The following CELF4 variants were observed in gnomAD, a reference collection of about 807,000 sequenced individuals.
CELF4 encodes the protein CUGBP Elav-like family member 4.
In CELF4, 18 loss-of-function variants were observed where a neutral mutation model predicts 59.9. The ratio of observed to expected loss-of-function variants is 0.30; its 90% CI spans 0.21 to 0.45. The LOEUF (loss-of-function observed/expected upper bound fraction) is 0.45. Among genes scored for constraint, CELF4 ranks in the 20% least tolerant of loss-of-function variants. The pLI is 1.00. For synonymous variants in CELF4, 261 were observed against 267.1 expected (o/e 0.98, Z 0.22); for missense variants, 456 against 689.0 (o/e 0.66, Z 3.79).
chr18:37,248,357 CTG>C (rs1349143391), intron 12 of CELF4, among the ~76,000 whole-genome samples: 1 of 152,230 alleles, frequency 6.6e-6, no homozygotes, highest in African/African-American at 2.4e-5. Context: ...TGTAACCAAA[CTG>C]AGGCTGCATC....
At chr18:37,393,937 C>T (rs2099202780) in intron 2 of CELF4, among the ~76,000 whole-genome samples, 4 of 147,856 alleles carry the variant, frequency 2.7e-5, no homozygotes, top group African/African-American at 5.0e-5. Context: ...GGCAAAAACA[C>T]CCCACCTCCT....
chr18:37,471,711 G>A (rs1006492403), intron 2 of CELF4, among the ~76,000 whole-genome samples: 1 of 152,128 alleles, frequency 6.6e-6, no homozygotes, highest in Non-Finnish European at 1.5e-5. Flanking sequence ...TCCTCCGCAG[G>A]AGGGAAGCCC....
intron 1 of CELF4, among the ~76,000 whole-genome samples, chr18:37,510,671 T>A (rs186154057): frequency 6.6e-5 from 10 of 152,352 alleles, no homozygotes; most frequent in Admixed American, 6.5e-4. Flanking sequence ...GTGCCAGAGT[T>A]TCTCCCTGTA....
At chr18:37,391,770 C>T (rs2099164450) in intron 2 of CELF4, among the ~76,000 whole-genome samples, 1 of 152,218 alleles carries the variant, frequency 6.6e-6, no homozygotes, top group Non-Finnish European at 1.5e-5. Context: ...GGGCAGATGG[C>T]AGGACACTGA....
intron 4 of CELF4, 66 bp downstream of exon 4, chr18:37,275,049 G>C: frequency 6.4e-7 from 1 of 1,571,982 alleles, no homozygotes; most frequent in Non-Finnish European, 8.7e-7. Flanking sequence ...ACTCAGAGGA[G>C]CCCTCTGGTC....
At chr18:37,559,098 A>T (rs1256682338) in intron 1 of CELF4, among the ~76,000 whole-genome samples, 1 of 152,130 alleles carries the variant, frequency 6.6e-6, no homozygotes, top group Non-Finnish European at 1.5e-5. Context: ...ACACCTTCAC[A>T]CCAGGACTTG....
At chr18:37,382,665 A>G (rs1469073280) in intron 2 of CELF4, among the ~76,000 whole-genome samples, 1 of 152,228 alleles carries the variant, frequency 6.6e-6, no homozygotes, top group East Asian at 1.9e-4. Flanking sequence ...TTTCTCTAGA[A>G]CACAAATGAA....
chr18:37,287,780 T>C (rs1238478838), intron 3 of CELF4, among the ~76,000 whole-genome samples: 1 of 152,220 alleles, frequency 6.6e-6, no homozygotes, highest in East Asian at 1.9e-4. Flanking sequence ...TAGAGATGGA[T>C]GGATGGTAGA....
chr18:37,273,256 C>T (rs2092177344), intron 6 of CELF4, 93 bp from the exon 7 acceptor site: 1 of 1,501,046 alleles, frequency 6.7e-7, no homozygotes, highest in Admixed American at 2.2e-5. Flanking sequence ...ATCTCCCAGG[C>T]TCTGAGCCCC....
intron 2 of CELF4, among the ~76,000 whole-genome samples, chr18:37,338,027 C>T (rs1028240946): frequency 3.4e-5 from 5 of 147,662 alleles, no homozygotes; most frequent in Admixed American, 6.7e-5. Flanking sequence ...CCACCACTGT[C>T]GCTGCCACCA....
chr18:37,396,425 A>T (rs1015060594), intron 2 of CELF4, among the ~76,000 whole-genome samples: 1 of 152,188 alleles, frequency 6.6e-6, no homozygotes. Flanking sequence ...AACATGTCTC[A>T]AGATGGTAGA....
Position 37,439,258 on chromosome 18 carries a change from T to C in CELF4, c.369+46267A>G, listed in dbSNP as rs560652803. ...GGGCAGGCGGTGGGTTTGGGAGGCA[T>C]GGATACAATCTGGAAGTACTTGGAT... On this transcript the variant is annotated intron_variant, in intron 2 of 12. Transcript: ENST00000420428. Among the ~76,000 whole-genome samples the C allele has an allele frequency of 2.0e-5, 3 of 152,272 alleles. No individual in the cohort carries two copies. In the South Asian group the frequency reaches 6.2e-4, roughly 32 times the overall value.
chr18:37,300,244 A>G (rs979269197), intron 3 of CELF4, among the ~76,000 whole-genome samples: 27 of 142,178 alleles, frequency 1.9e-4, no homozygotes, highest in Non-Finnish European at 3.8e-4. Flanking sequence ...TTTTTTTTTG[A>G]TACGGAGTCT....
intron 1 of CELF4, among the ~76,000 whole-genome samples, chr18:37,551,044 G>A (rs1004411675): frequency 6.6e-6 from 1 of 152,146 alleles, no homozygotes; most frequent in Non-Finnish European, 1.5e-5. Context: ...TGGTTTGGTG[G>A]CCTGGGGGTT....
At chr18:37,358,830 TG>T (rs58905403) in intron 2 of CELF4, among the ~76,000 whole-genome samples, 152,341 of 152,344 alleles carry the variant, frequency 1, 76,169 homozygotes, top group Non-Finnish European at 1. Flanking sequence ...AGGCTGGGCA[TG>T]GGTGGTTCAT....
At chr18:37,450,042 T>A (rs945823911) in intron 2 of CELF4, among the ~76,000 whole-genome samples, 3 of 151,828 alleles carry the variant, frequency 2.0e-5, no homozygotes, top group Non-Finnish European at 2.9e-5. Flanking sequence ...AGCCCAGAAG[T>A]GCAAGCCTAT....
At chr18:37,358,129 C>T (rs898700791) in intron 2 of CELF4, among the ~76,000 whole-genome samples, 3 of 151,856 alleles carry the variant, frequency 2.0e-5, no homozygotes, top group South Asian at 2.1e-4. Context: ...TGGGAGGGGC[C>T]GGGGTGGAAT....
At chr18:37,530,418 T>G (rs1298568221) in intron 1 of CELF4, among the ~76,000 whole-genome samples, 1 of 151,620 alleles carries the variant, frequency 6.6e-6, no homozygotes, top group African/African-American at 2.4e-5. Context: ...TGTGGGTGAC[T>G]CCAAGCAAGA....
At chr18:37,300,524 C>A (rs1199042969) in intron 3 of CELF4, among the ~76,000 whole-genome samples, 2 of 152,192 alleles carry the variant, frequency 1.3e-5, no homozygotes, top group African/African-American at 2.4e-5. Context: ...TGCTCCTGGC[C>A]TCCAGCACTT....
Sources: allele counts gnomAD v4.1 joint callset (sites outside exome capture counted in the v4.1 genomes callset), GRCh38; gene constraint gnomAD v4.1.1; transcripts MANE v1.5; gene names NCBI Gene and HGNC (gene_info 2026-07-23, HGNC 2026-07-21).